Variants in TUSC3 observed in about 807,000 individuals in gnomAD.
TUSC3 encodes the protein dolichyl-diphosphooligosaccharide--protein glycosyltransferase subunit TUSC3.
TUSC3 carries 45 observed loss-of-function variants against 44.8 expected under a neutral mutation model. That is an observed-to-expected ratio of 1.00 (90% CI 0.79 to 1.29). The LOEUF (loss-of-function observed/expected upper bound fraction) is 1.29, where lower values mean the gene tolerates loss of function less well. TUSC3 is among the 50% of genes most tolerant of loss of function. The pLI is 0.00. For synonymous variants in TUSC3, 212 were observed against 152.9 expected, an observed-to-expected ratio of 1.39 and a Z score of -2.85; for missense variants, 519 against 437.9, an observed-to-expected ratio of 1.19 and a Z score of -1.65.
intron 6 of TUSC3, among the ~76,000 whole-genome samples, chr8:15,691,971 G>A (rs1808919987): frequency 6.6e-6 from 1 of 151,984 alleles, no homozygotes; most frequent in Admixed American, 6.6e-5. Flanking sequence ...AGTAGAGACA[G>A]GGTCTCACCA....
the TUSC3 span, among the ~76,000 whole-genome samples, chr8:15,851,411 T>G: frequency 6.6e-6 from 1 of 152,194 alleles, no homozygotes; most frequent in East Asian, 1.9e-4. Flanking sequence ...AACAAATATT[T>G]ATTGAGCAAC....
At chr8:15,747,317 A>G (rs1360130925) in intron 8 of TUSC3, among the ~76,000 whole-genome samples, 3 of 151,996 alleles carry the variant, frequency 2.0e-5, no homozygotes, top group Non-Finnish European at 2.9e-5. Context: ...ATAACTTCAA[A>G]TATTTTTCAA....
intron 1 of TUSC3, among the ~76,000 whole-genome samples, chr8:15,471,646 T>A (rs1254280285): frequency 2.6e-5 from 4 of 151,682 alleles, no homozygotes; most frequent in Non-Finnish European, 5.9e-5. Flanking sequence ...AGATGGAGTT[T>A]CGCTGTTTTC....
intron 1 of TUSC3, among the ~76,000 whole-genome samples, chr8:15,597,408 A>G (rs1290960826): frequency 2.0e-5 from 3 of 152,110 alleles, no homozygotes. Flanking sequence ...ATTAGTTGCT[A>G]GTATATGTAT....
At chr8:15,555,225 T>G (rs1049643950) in intron 1 of TUSC3, among the ~76,000 whole-genome samples, 1 of 134,876 alleles carries the variant, frequency 7.4e-6, no homozygotes, top group Non-Finnish European at 1.6e-5. Context: ...CTTGGCTTAC[T>G]GCAACCTCTG....
chr8:15,444,140 T>C (rs1386769892), intron 1 of TUSC3, among the ~76,000 whole-genome samples: 1 of 152,184 alleles, frequency 6.6e-6, no homozygotes, highest in Non-Finnish European at 1.5e-5. Context: ...TCATAAGCAA[T>C]TAATTGACAC....
intron 7 of TUSC3, among the ~76,000 whole-genome samples, chr8:15,731,502 A>T (rs1810721183): frequency 6.6e-6 from 1 of 152,072 alleles, no homozygotes; most frequent in Non-Finnish European, 1.5e-5. Flanking sequence ...CAAAGGTGTA[A>T]ATCTTTAACT....
At chr8:15,452,528 A>T (rs1800207929) in intron 1 of TUSC3, among the ~76,000 whole-genome samples, 1 of 152,072 alleles carries the variant, frequency 6.6e-6, no homozygotes, top group Admixed American at 6.5e-5. Flanking sequence ...ACATATTAGT[A>T]CTGTGGAGCC....
intron 1 of TUSC3, among the ~76,000 whole-genome samples, chr8:15,566,879 G>C (rs772673658): frequency 1.3e-5 from 2 of 151,996 alleles, no homozygotes; most frequent in Non-Finnish European, 2.9e-5. Flanking sequence ...GTTATCCTGC[G>C]GCTTCGGCCT....
chr8:15,584,028 G>T (rs1055491319), intron 1 of TUSC3, among the ~76,000 whole-genome samples: 2 of 152,166 alleles, frequency 1.3e-5, no homozygotes, highest in Non-Finnish European at 2.9e-5. Flanking sequence ...AGAATATGTT[G>T]TTTAAACAGG....
chr8:15,574,694 A>T (rs1021961729), intron 1 of TUSC3, among the ~76,000 whole-genome samples: 2 of 152,078 alleles, frequency 1.3e-5, no homozygotes, highest in Non-Finnish European at 1.5e-5. Flanking sequence ...CTTTTATTTG[A>T]TAGCTAACAT....
intron 1 of TUSC3, among the ~76,000 whole-genome samples, chr8:15,419,917 A>G (rs137884602): frequency 4.5e-4 from 68 of 152,272 alleles, no homozygotes; most frequent in African/African-American, 1.6e-3. Context: ...ATAAATCTTT[A>G]TTCTTAGATT....
chr8:15,513,166 T>C (rs1276541429), intron 2 of TUSC3, among the ~76,000 whole-genome samples: 1 of 151,652 alleles, frequency 6.6e-6, no homozygotes, highest in Non-Finnish European at 1.5e-5. Flanking sequence ...TACAAAAAAT[T>C]GATTATGATA....
At chr8:15,421,294 C>T (rs977367797) in intron 1 of TUSC3, among the ~76,000 whole-genome samples, 2 of 152,116 alleles carry the variant, frequency 1.3e-5, no homozygotes, top group African/African-American at 4.8e-5. Flanking sequence ...CTATCACATC[C>T]GACTCTATTA....
At chr8:15,429,600 C>G (rs957110789) in intron 1 of TUSC3, among the ~76,000 whole-genome samples, 1 of 151,526 alleles carries the variant, frequency 6.6e-6, no homozygotes, top group Non-Finnish European at 1.5e-5. Context: ...ATTCTTCCTA[C>G]CCATGAACAT....
intron 1 of TUSC3, among the ~76,000 whole-genome samples, chr8:15,543,171 C>T (rs7462802): frequency 2.2e-4 from 33 of 152,268 alleles, no homozygotes; most frequent in African/African-American, 7.7e-4. Flanking sequence ...AACCTGATGC[C>T]TATGATAAGA....
chr8:15,481,011 G>A (rs1392706513), intron 1 of TUSC3, among the ~76,000 whole-genome samples: 1 of 152,080 alleles, frequency 6.6e-6, no homozygotes, highest in South Asian at 2.1e-4. Context: ...ACTTTGGGAG[G>A]CCAAGGTGGG....
intron 6 of TUSC3, among the ~76,000 whole-genome samples, chr8:15,722,357 A>G (rs774006456): frequency 6.6e-5 from 10 of 151,752 alleles, no homozygotes; most frequent in Non-Finnish European, 1.2e-4. Flanking sequence ...TACTATCAGG[A>G]CAGATAACTT....
intron 1 of TUSC3, among the ~76,000 whole-genome samples, chr8:15,612,323 T>C (rs937285162): frequency 6.6e-6 from 1 of 152,170 alleles, no homozygotes; most frequent in Non-Finnish European, 1.5e-5. Flanking sequence ...GTCATGTTCC[T>C]AGGGATAAAA....
Sources: allele counts gnomAD v4.1 joint callset (sites outside exome capture counted in the v4.1 genomes callset), GRCh38; gene constraint gnomAD v4.1.1; transcripts MANE v1.5; gene names NCBI Gene and HGNC (gene_info 2026-07-23, HGNC 2026-07-21).